COP1: variants seen among roughly 807,000 people sequenced by gnomAD.
COP1 encodes the protein COP1 E3 ubiquitin ligase, also known as E3 ubiquitin-protein ligase COP1.
A neutral mutation model predicts 101.3 loss-of-function variants in COP1; 24 were observed. The ratio of observed to expected loss-of-function variants is 0.24; its 90% CI spans 0.17 to 0.33. The LOEUF is 0.33. COP1 is among the 10% of genes least tolerant of loss of function. The pLI is 1.00. For synonymous variants in COP1, 347 were observed against 341.9 expected (o/e 1.01, Z -0.17); for missense variants, 663 against 906.2 (o/e 0.73, Z 3.45).
intron 1 of COP1, among the ~76,000 whole-genome samples, chr1:176,203,879 A>C (rs139749254): frequency 6.6e-6 from 1 of 152,192 alleles, no homozygotes; most frequent in Non-Finnish European, 1.5e-5. Context: ...GTTCTCAAGG[A>C]GGGGAGAAGG....
At chr1:175,968,540 T>C (rs756572623) in intron 18 of COP1, 2 of 516,056 alleles carry the variant, frequency 3.9e-6, no homozygotes, top group Admixed American at 3.9e-5. Flanking sequence ...CAGCTTCCAT[T>C]TCTGGTGTGC....
chr1:176,162,710 AG>A (rs1250994476), intron 5 of COP1, among the ~76,000 whole-genome samples, 158 bp downstream of exon 5: 5 of 152,240 alleles, frequency 3.3e-5, no homozygotes, highest in Admixed American at 6.5e-5. Context: ...AGTTACAAAA[AG>A]GGGGAATCTA....
intron 9 of COP1, among the ~76,000 whole-genome samples, chr1:176,097,965 C>T (rs975951049): frequency 1.5e-4 from 23 of 151,664 alleles, no homozygotes; most frequent in Non-Finnish European, 2.8e-4. Context: ...GCTGTAGTGC[C>T]TTTCAGTTCA....
intron 18 of COP1, among the ~76,000 whole-genome samples, chr1:175,952,927 T>A (rs1650132413): frequency 6.6e-6 from 1 of 152,070 alleles, no homozygotes; most frequent in African/African-American, 2.4e-5. Flanking sequence ...AATAAATAAA[T>A]AAGGGATGAA....
intron 15 of COP1, among the ~76,000 whole-genome samples, chr1:176,009,044 C>A (rs537575342): frequency 1.3e-5 from 2 of 152,254 alleles, no homozygotes; most frequent in African/African-American, 2.4e-5. Context: ...GGGCTCTCTG[C>A]AGTTTTTCCT....
chr1:176,076,152 A>G (rs753348880), intron 11 of COP1, among the ~76,000 whole-genome samples: 2 of 152,094 alleles, frequency 1.3e-5, no homozygotes, highest in Non-Finnish European at 2.9e-5. Context: ...ACTACACCCA[A>G]CAACCACAGA....
chr1:176,122,982 T>C (rs559431700), intron 8 of COP1, among the ~76,000 whole-genome samples: 67 of 152,286 alleles, frequency 4.4e-4, no homozygotes, highest in African/African-American at 1.4e-3. Flanking sequence ...CAAGACTGAT[T>C]TGACTCCAAC....
At position 176,162,981 on chromosome 1, in the gene COP1, T is replaced by C; in HGVS notation, c.650A>G (p.His217Arg). The C allele has an allele frequency of 6.3e-7, 1 of 1,596,660 alleles. No individual in the cohort carries two copies. ...CCAATCTTGAAATATCTGCCACCTG[T>C]GGCCATTCTAAAAATGAAGAAAGAA... ...LDHSVSSTNG[H>R]RWQIFQDWLG... is the part of the protein sequence containing the mutation. The change falls in exon 5 of 20, where the codon CAC becomes CGC. Residue 217 changes from histidine (H) to arginine (R), a missense_variant. Physicochemically the swap from His to Arg is conservative, Grantham distance 29 (BLOSUM62 0). Transcript: ENST00000367669.
At chr1:176,112,183 C>G (rs1020394195) in intron 9 of COP1, among the ~76,000 whole-genome samples, 4 of 151,466 alleles carry the variant, frequency 2.6e-5, no homozygotes, top group Non-Finnish European at 1.5e-5. Flanking sequence ...CCAAAAGTCT[C>G]CTTCACCACA....
At chr1:176,047,375 T>G (rs1351516444) in intron 11 of COP1, among the ~76,000 whole-genome samples, 1 of 152,180 alleles carries the variant, frequency 6.6e-6, no homozygotes, top group Non-Finnish European at 1.5e-5. Context: ...AAATGAAGAT[T>G]AGAGGTGAGG....
chr1:176,100,265 G>T, intron 9 of COP1: 1 of 236,768 alleles, frequency 4.2e-6, no homozygotes, highest in Non-Finnish European at 8.8e-6. Context: ...GGCAGGCGCC[G>T]GTAATCCCAG....
intron 18 of COP1, among the ~76,000 whole-genome samples, chr1:175,947,773 C>T (rs961519563): frequency 1.3e-5 from 2 of 152,030 alleles, no homozygotes; most frequent in African/African-American, 4.8e-5. Flanking sequence ...CAGAGTAGGA[C>T]ACTTTTGAAT....
At chr1:176,126,983 A>C (rs899299458) in intron 8 of COP1, among the ~76,000 whole-genome samples, 8 of 152,202 alleles carry the variant, frequency 5.3e-5, no homozygotes, top group African/African-American at 1.9e-4. Flanking sequence ...ATTCACTCAC[A>C]TATCTTATTT....
rs540501580 is a variant in COP1 at position 176,104,331 on chromosome 1, A to G, written c.1026+12293T>C. On this transcript the variant is annotated intron_variant, in intron 9 of 19. Transcript: ENST00000367669. The stretch of plus-strand genomic sequence containing the variant: ...ATCTAGATGTAATTTTTAAAAATTG[A>G]TAATTTTAACTAAAAACTTTTGAAT... 3.9e-5 allele frequency among the ~76,000 whole-genome samples: 6 copies of G among 152,284 alleles called. No individual in the cohort carries two copies. In the South Asian group the frequency reaches 1.2e-3, roughly 32 times the overall value.
intron 5 of COP1, among the ~76,000 whole-genome samples, chr1:176,151,069 T>C (rs1692354108): frequency 6.6e-6 from 1 of 151,978 alleles, no homozygotes; most frequent in African/African-American, 2.4e-5. Context: ...CAGGTGCAAA[T>C]TTTTAACATG....
Position 176,206,580 on chromosome 1 carries a change from G to A in COP1, c.399C>T (p.Asp133=). The change falls in exon 1 of 20, where the codon GAC becomes GAT. Residue 133 remains aspartate (D), a synonymous_variant. Coordinates refer to ENST00000367669, the MANE Select transcript of COP1 (RefSeq NM_022457.7). ...GTGCTCTTCAAACCCACCATACGAAGTCGTTGCTTTTGTCCTCGTAGGAGT... is the reference window on the plus strand; with the variant it reads ...GTGCTCTTCAAACCCACCATACGAAATCGTTGCTTTTGTCCTCGTAGGAGT... ...LINSYEDKSN[D]FVCPICFDMI... 2 of 1,610,094 alleles carry A rather than the reference G, an allele frequency of 1.2e-6. No homozygotes were observed. The highest frequency in any genetic ancestry group is 1.1e-5 in the South Asian group (1 of 91,032).
At position 176,162,954 on chromosome 1, in the gene COP1, A is replaced by G. The variant is rs868868912; in HGVS notation, c.677T>C (p.Leu226Ser). The change falls in exon 5 of 20, where the codon TTG becomes TCG. Residue 226 changes from leucine (L) to serine (S), a missense_variant. Physicochemically the swap from Leu to Ser is moderately radical, Grantham distance 145. Coordinates refer to ENST00000367669, the MANE Select transcript of COP1 (RefSeq NM_022457.7). ...GHRWQIFQDWLGTDQDNLDLA... is the reference protein window; with the variant it reads ...GHRWQIFQDWSGTDQDNLDLA... ...ATCAAGGTTATCTTGGTCAGTTCCC[A>G]ACCAATCTTGAAATATCTGCCACCT... 6.2e-7 allele frequency: 1 copy of G among 1,608,430 alleles called. No individual in the cohort carries two copies. The highest frequency in any genetic ancestry group is 1.7e-4 in the Middle Eastern group (1 of 6,054).
intron 1 of COP1, among the ~76,000 whole-genome samples, chr1:176,203,799 C>G (rs1572840239): frequency 6.6e-6 from 1 of 152,170 alleles, no homozygotes; most frequent in East Asian, 1.9e-4. Flanking sequence ...TATAAACTTA[C>G]TTTCAAATAT....
chr1:176,042,169 G>A (rs1670676585), intron 14 of COP1, among the ~76,000 whole-genome samples: 1 of 151,530 alleles, frequency 6.6e-6, no homozygotes, highest in Non-Finnish European at 1.5e-5. Context: ...TAAATGGGAG[G>A]TGGAGGCAGG....
Sources: allele counts gnomAD v4.1 joint callset (sites outside exome capture counted in the v4.1 genomes callset), GRCh38; gene constraint gnomAD v4.1.1; transcripts MANE v1.5; gene names NCBI Gene and HGNC (gene_info 2026-07-23, HGNC 2026-07-21).